CPNE4: variants seen among roughly 807,000 people sequenced by gnomAD.
CPNE4 encodes the protein copine-4.
Under a neutral mutation model 67.9 loss-of-function variants are expected in CPNE4, and 25 were observed. That is an observed-to-expected ratio of 0.37 (90% CI 0.27 to 0.51). The LOEUF (loss-of-function observed/expected upper bound fraction) is 0.51. Among genes scored for constraint, CPNE4 ranks in the 20% least tolerant of loss-of-function variants. The pLI, the probability that CPNE4 is intolerant of heterozygous loss-of-function variation, is 0.93. For synonymous variants in CPNE4, 242 were observed against 244.9 expected (o/e 0.99, Z 0.11); for missense variants, 464 against 690.8 (o/e 0.67, Z 3.68).
intron 2 of CPNE4, among the ~76,000 whole-genome samples, chr3:131,729,582 G>A (rs1268044695): frequency 2.6e-5 from 4 of 152,216 alleles, no homozygotes; most frequent in Non-Finnish European, 4.4e-5. Flanking sequence ...AACAGAGAGA[G>A]ATAGGTTGGT....
chr3:131,916,347 GAAAAAAAAA>G (rs35520224), intron 1 of CPNE4, among the ~76,000 whole-genome samples: 4 of 117,780 alleles, frequency 3.4e-5, no homozygotes, highest in Admixed American at 8.5e-5. Flanking sequence ...TTTCCAGTTA[GAAAAAAAAA>G]AAAAAAAAAA....
At chr3:131,760,882 G>A (rs1346728321) in intron 2 of CPNE4, among the ~76,000 whole-genome samples, 1 of 152,108 alleles carries the variant, frequency 6.6e-6, no homozygotes, top group Non-Finnish European at 1.5e-5. Context: ...TCAAAGGGAT[G>A]GCAAATGAGA....
chr3:131,708,708 T>A (rs897276332), intron 3 of CPNE4, among the ~76,000 whole-genome samples: 1 of 151,910 alleles, frequency 6.6e-6, no homozygotes, highest in African/African-American at 2.4e-5. Flanking sequence ...TGGGGGGACA[T>A]TCAACTAGGA....
intron 7 of CPNE4, among the ~76,000 whole-genome samples, chr3:131,659,184 G>A (rs541052238): frequency 1.3e-4 from 20 of 152,318 alleles, no homozygotes; most frequent in African/African-American, 4.6e-4. Flanking sequence ...CATAACCAGT[G>A]TTACCAGAAC....
At chr3:131,838,840 T>C (rs753186604) in intron 2 of CPNE4, among the ~76,000 whole-genome samples, 1 of 151,848 alleles carries the variant, frequency 6.6e-6, no homozygotes, top group Non-Finnish European at 1.5e-5. Flanking sequence ...TATATATATA[T>C]ATGCACATAT....
At chr3:131,761,472 T>C (rs543167400) in intron 2 of CPNE4, among the ~76,000 whole-genome samples, 1 of 152,182 alleles carries the variant, frequency 6.6e-6, no homozygotes, top group African/African-American at 2.4e-5. Flanking sequence ...ATGAAAAGGC[T>C]GGGCATGTTG....
At chr3:131,843,881 T>C (rs910187992) in intron 2 of CPNE4, among the ~76,000 whole-genome samples, 4 of 152,132 alleles carry the variant, frequency 2.6e-5, no homozygotes, top group African/African-American at 9.7e-5. Flanking sequence ...ATTGAGGGGA[T>C]GTATTGCCAT....
chr3:131,971,086 T>G (rs934071137), intron 1 of CPNE4, among the ~76,000 whole-genome samples: 3 of 152,200 alleles, frequency 2.0e-5, no homozygotes, highest in African/African-American at 7.2e-5. Context: ...TAGAAAGATC[T>G]AAAGAGTCCA....
Position 131,723,533 on chromosome 3 carries a change from C to T in CPNE4, c.273G>A (p.Leu91=), listed in dbSNP as rs1299878805. The T allele has an allele frequency of 4.3e-6, 7 of 1,613,952 alleles. No homozygotes were observed. The highest frequency in any genetic ancestry group is 1.7e-5 in the Admixed American group (1 of 60,008). The change falls in exon 3 of 16, where the codon CTG becomes CTA. Residue 91 remains leucine (L), a synonymous_variant. Coordinates refer to ENST00000429747, the MANE Select transcript of CPNE4 (RefSeq NM_130808.3). Reference sequence around the variant, plus strand: ...TGCTGATGTCATGGACTTCAAACCGCAGGCGCTGCACCTCCTCAAAGTAAA... The same window carrying T: ...TGCTGATGTCATGGACTTCAAACCGTAGGCGCTGCACCTCCTCAAAGTAAA... ...VDFYFEEVQR[L]RFEVHDISSN...
At chr3:131,908,813 C>T (rs943379572) in intron 1 of CPNE4, among the ~76,000 whole-genome samples, 9 of 152,150 alleles carry the variant, frequency 5.9e-5, no homozygotes, top group Non-Finnish European at 7.4e-5. Context: ...CCTCCATTCA[C>T]TGACCATGTA....
intron 1 of CPNE4, among the ~76,000 whole-genome samples, chr3:131,913,206 A>C (rs1331952044): frequency 6.6e-6 from 1 of 152,148 alleles, no homozygotes; most frequent in African/African-American, 2.4e-5. Context: ...TAAAATAATA[A>C]TTAGTCACAG....
chr3:132,031,841 A>G (rs1209414058), intron 1 of CPNE4, among the ~76,000 whole-genome samples: 1 of 152,206 alleles, frequency 6.6e-6, no homozygotes, highest in Admixed American at 6.5e-5. Flanking sequence ...TATAGTCAGT[A>G]TAACCTCAAG....
intron 1 of CPNE4, among the ~76,000 whole-genome samples, chr3:131,945,076 C>G (rs1432104844): frequency 1.3e-5 from 2 of 152,156 alleles, no homozygotes; most frequent in Non-Finnish European, 2.9e-5. Flanking sequence ...CTGGCACTTA[C>G]TAGCCATGTG....
At chr3:131,795,375 CT>C (rs1411130984) in intron 2 of CPNE4, among the ~76,000 whole-genome samples, 2 of 152,138 alleles carry the variant, frequency 1.3e-5, no homozygotes, top group Admixed American at 6.6e-5. Context: ...CCAAGGGGAC[CT>C]CAGAGTAATC....
chr3:131,684,136 G>A (rs180787322), intron 6 of CPNE4, among the ~76,000 whole-genome samples: 47 of 152,316 alleles, frequency 3.1e-4, no homozygotes, highest in African/African-American at 1.1e-3. Context: ...TTCACCTGAT[G>A]TTTGGTTCTT....
At chr3:131,986,847 A>C (rs953456376) in intron 1 of CPNE4, among the ~76,000 whole-genome samples, 11 of 130,578 alleles carry the variant, frequency 8.4e-5, no homozygotes, top group Non-Finnish European at 1.3e-4. Context: ...AAAAAACAAA[A>C]AAAAACAAAA....
At chr3:131,745,827 C>T (rs1298624860) in intron 2 of CPNE4, among the ~76,000 whole-genome samples, 1 of 152,090 alleles carries the variant, frequency 6.6e-6, no homozygotes. Context: ...ACAGAGCAAA[C>T]TAATTCTTTC....
At chr3:131,925,346 A>G (rs771882645) in intron 1 of CPNE4, among the ~76,000 whole-genome samples, 7 of 152,054 alleles carry the variant, frequency 4.6e-5, no homozygotes, top group Non-Finnish European at 1.5e-5. Flanking sequence ...TCCCACCTCA[A>G]TGCTCTCCTA....
Position 131,549,951 on chromosome 3 carries a change from G to A in CPNE4, c.1298C>T (p.Ala433Val), listed in dbSNP as rs1439630170. The A allele has an allele frequency of 1.9e-6, 3 of 1,612,804 alleles. No individual in the cohort carries two copies. The highest frequency in any genetic ancestry group is 2.7e-5 in the African/African-American group (2 of 74,826). ...SASEETNTKE[A>V]SQYFILLILT... is the part of the protein sequence containing the mutation. ...GGCAAATAGCCCCCTCCTTACCGAT[G>A]CCTCCTTGGTGTTAGTTTCCTCTGA... The change falls in exon 14 of 16, where the codon GCA (alanine) becomes GTA (valine). Residue 433 changes from alanine (A) to valine (V), a missense_variant. By Grantham distance (64) the Ala-to-Val change is moderately conservative. This residue lies in a region of CPNE4 where 201 missense variants were observed against 357.7 expected (regional missense o/e 0.56). Coordinates refer to ENST00000429747, the MANE Select transcript of CPNE4 (RefSeq NM_130808.3).
Sources: gnomAD v4.1 joint callset for allele counts (sites outside exome capture counted in the v4.1 genomes callset) on GRCh38, gnomAD v4.1.1 for gene constraint, gnomAD v4.1.1 regional missense constraint, MANE v1.5 for transcripts, NCBI Gene and HGNC (gene_info 2026-07-23, HGNC 2026-07-21) for gene names.